The following R3HDM2 variants were observed in gnomAD, a reference collection of about 807,000 sequenced individuals.
R3HDM2 encodes R3H domain containing 2, also known as R3H domain-containing protein 2.
In R3HDM2, 38 loss-of-function variants were observed where a neutral mutation model predicts 124.5. That is an observed-to-expected ratio of 0.31 (90% confidence interval 0.24 to 0.40). R3HDM2 has a LOEUF of 0.40. Ranked by LOEUF, R3HDM2 falls within the 10% of genes least tolerant of loss-of-function variation. R3HDM2 has a pLI of 1.00. For synonymous variants in R3HDM2, 391 were observed against 448.0 expected (o/e 0.87, Z 1.61); for missense variants, 869 against 1,236.9 (o/e 0.70, Z 4.46).
chr12:57,373,502 A>C (rs1360062928), intron 2 of R3HDM2, among the ~76,000 whole-genome samples: 2 of 151,200 alleles, frequency 1.3e-5, no homozygotes, highest in Non-Finnish European at 2.9e-5. Flanking sequence ...CCGTCTCACA[A>C]AAAAAAATGT....
At chr12:57,278,921 T>C (rs1211131244) in intron 14 of R3HDM2, among the ~76,000 whole-genome samples, 1 of 152,096 alleles carries the variant, frequency 6.6e-6, no homozygotes, top group Non-Finnish European at 1.5e-5. Flanking sequence ...GGTATTAGTG[T>C]TTGGGACTTG....
intron 1 of R3HDM2, among the ~76,000 whole-genome samples, chr12:57,423,653 A>C (rs2070420112): frequency 6.6e-6 from 1 of 150,992 alleles, no homozygotes; most frequent in Non-Finnish European, 1.5e-5. Flanking sequence ...CTCTACTAAA[A>C]ATACAAAAAT....
intron 1 of R3HDM2, among the ~76,000 whole-genome samples, chr12:57,397,789 T>G (rs1015167862): frequency 6.6e-6 from 1 of 152,212 alleles, no homozygotes; most frequent in African/African-American, 2.4e-5. Flanking sequence ...ACTAAGAGCT[T>G]TGTCACACCA....
Position 57,254,412 on chromosome 12 carries a change from A to G in R3HDM2, c.*361T>C, listed in dbSNP as rs2038283729. The G allele has an allele frequency of 2.8e-6, 1 of 358,914 alleles. No individual in the cohort carries two copies. The highest frequency in any genetic ancestry group is 5.3e-6 in the Non-Finnish European group (1 of 189,972). 22.2% of individuals were successfully genotyped at this position (358,914 alleles called of 1,614,324 possible). A position where few individuals can be genotyped will look rare whatever the true frequency, so the allele number is the denominator to read the frequency against. The stretch of plus-strand genomic sequence containing the variant: ...GCTACTTGGGAGGCTGAGGCAGGAG[A>G]ATCACCTGAACCCAGGAGCTGGAGG... On this transcript the variant is annotated 3_prime_UTR_variant, in exon 24 of 24. Coordinates refer to ENST00000402412, the MANE Select transcript of R3HDM2 (RefSeq NM_001394031.1).
intron 1 of R3HDM2, among the ~76,000 whole-genome samples, chr12:57,414,486 T>TAAAAAAAAAA (rs534205889): frequency 1.1e-4 from 7 of 66,626 alleles, no homozygotes; most frequent in Non-Finnish European, 1.8e-4. Flanking sequence ...AAGACTCCAT[T>TAAAAAAAAAA]AAAAAAAAAA....
intron 3 of R3HDM2, among the ~76,000 whole-genome samples, chr12:57,308,054 T>C (rs1183269644): frequency 6.7e-6 from 1 of 150,136 alleles, no homozygotes; most frequent in Non-Finnish European, 1.5e-5. Flanking sequence ...TGAATTTTTT[T>C]TTTTTTTTTT....
intron 2 of R3HDM2, among the ~76,000 whole-genome samples, chr12:57,327,609 T>C (rs757566450): frequency 2.0e-5 from 3 of 152,268 alleles, no homozygotes; most frequent in Non-Finnish European, 2.9e-5. Context: ...TTGTGATTTA[T>C]GAGAGGAGGT....
At chr12:57,421,371 A>G (rs993851708) in intron 1 of R3HDM2, among the ~76,000 whole-genome samples, 20 of 150,180 alleles carry the variant, frequency 1.3e-4, no homozygotes, top group Non-Finnish European at 2.4e-4. Flanking sequence ...GCTGGTCTCC[A>G]ACTCCCGACC....
At chr12:57,360,006 A>AATAAATATATATAT (rs1403496780) in intron 2 of R3HDM2, among the ~76,000 whole-genome samples, 195 of 117,640 alleles carry the variant, frequency 1.7e-3, no homozygotes, top group African/African-American at 5.7e-3. Context: ...TAAATAAATA[A>AATAAATATATATAT]ATATATATAT....
intron 11 of R3HDM2, among the ~76,000 whole-genome samples, chr12:57,290,031 T>C (rs1022718489): frequency 3.3e-5 from 5 of 152,002 alleles, no homozygotes; most frequent in African/African-American, 7.3e-5. Flanking sequence ...AAGTGATAAA[T>C]CTACAAGGAT....
chr12:57,261,953 A>G (rs2040970408), intron 19 of R3HDM2, among the ~76,000 whole-genome samples: 1 of 152,168 alleles, frequency 6.6e-6, no homozygotes, highest in South Asian at 2.1e-4. Context: ...AAACCTGGGC[A>G]GAAAGGTCGA....
intron 19 of R3HDM2, among the ~76,000 whole-genome samples, chr12:57,265,731 C>T (rs955515180): frequency 6.6e-6 from 1 of 151,404 alleles, no homozygotes; most frequent in Non-Finnish European, 1.5e-5. Context: ...GCCTCCCAGG[C>T]TCAAGCGATT....
At position 57,258,890 on chromosome 12, in the gene R3HDM2, C is replaced by T. The variant is rs771972098; in HGVS notation, c.2301G>A (p.Gln767=). Residue 767 remains glutamine (Q), a splice_region_variant and synonymous_variant, in exon 20 of 24, where the codon CAG becomes CAA. Transcript: ENST00000402412. ...AGACAAGGCTGAGTGCTGCACTCAC[C>T]TGGGGGCTGCTGTCAGGACTGTACA... ...GDLYSPDSSP[Q]ANTQMSSSPV... 1 of 1,571,188 alleles carries T rather than the reference C, an allele frequency of 6.4e-7. No individual in the cohort carries two copies. The highest frequency in any genetic ancestry group is 1.2e-5 in the South Asian group (1 of 85,284).
chr12:57,348,409 T>C (rs1593685090), intron 2 of R3HDM2, among the ~76,000 whole-genome samples: 1 of 150,704 alleles, frequency 6.6e-6, no homozygotes, highest in South Asian at 2.1e-4. Context: ...CTACGAAAAA[T>C]AGGGCTGGGC....
At position 57,268,579 on chromosome 12, in the gene R3HDM2, T is replaced by C. The variant is rs1181839736; in HGVS notation, c.1876-122A>G. 1.8e-5 allele frequency: 19 copies of C among 1,041,422 alleles called. No individual in the cohort carries two copies. In the African/African-American group the frequency reaches 2.7e-4, roughly 15 times the overall value. 64.5% of individuals were successfully genotyped at this position (1,041,422 alleles called of 1,614,324 possible). On this transcript the variant is annotated intron_variant, in intron 17 of 23. Coordinates refer to ENST00000402412, the MANE Select transcript of R3HDM2 (RefSeq NM_001394031.1). ...CCTTCCCTACCTTAGATCCTCCTCCTGTTTTCCCCATCTGCCTAAAGAAAA... is the reference window on the plus strand; with the variant it reads ...CCTTCCCTACCTTAGATCCTCCTCCCGTTTTCCCCATCTGCCTAAAGAAAA...
intron 1 of R3HDM2, among the ~76,000 whole-genome samples, chr12:57,406,333 A>C (rs1183158183): frequency 1.3e-5 from 2 of 152,012 alleles, no homozygotes; most frequent in South Asian, 2.1e-4. Context: ...AAAAAAAAAA[A>C]AAAAAAACTG....
At chr12:57,398,741 A>G (rs1346651915) in intron 1 of R3HDM2, among the ~76,000 whole-genome samples, 7 of 152,156 alleles carry the variant, frequency 4.6e-5, no homozygotes, top group African/African-American at 1.7e-4. Flanking sequence ...CGCCCACCTC[A>G]GCCTCCCAAA....
At chr12:57,271,417 T>G (rs1225385398) in intron 14 of R3HDM2, among the ~76,000 whole-genome samples, 1 of 150,856 alleles carries the variant, frequency 6.6e-6, no homozygotes, top group Non-Finnish European at 1.5e-5. Flanking sequence ...TCCTTTTCCC[T>G]TCTGCTCCCT....
At chr12:57,311,998 A>G (rs1178413592) in intron 2 of R3HDM2, among the ~76,000 whole-genome samples, 1 of 152,234 alleles carries the variant, frequency 6.6e-6, no homozygotes, top group Non-Finnish European at 1.5e-5. Flanking sequence ...GTTTAGCTAC[A>G]ACAATAGTTT....
Sources: allele counts gnomAD v4.1 joint callset (sites outside exome capture counted in the v4.1 genomes callset), GRCh38; gene constraint gnomAD v4.1.1; transcripts MANE v1.5; gene names NCBI Gene and HGNC (gene_info 2026-07-23, HGNC 2026-07-21).